Variants in EIF2D observed in about 807,000 individuals in gnomAD.
The protein encoded by EIF2D is eukaryotic translation initiation factor 2D.
A neutral mutation model predicts 77.4 loss-of-function variants in EIF2D; 56 were observed. The observed-to-expected ratio is 0.72, with a 90% CI of 0.58 to 0.90. The LOEUF is 0.90. EIF2D is among the 40% of genes least tolerant of loss of function. The pLI, the probability that EIF2D is intolerant of heterozygous loss-of-function variation, is 0.00. For synonymous variants in EIF2D, 230 were observed against 271.0 expected (o/e 0.85, Z 1.49); for missense variants, 574 against 706.5 (o/e 0.81, Z 2.13).
chr1:206,577,149 G>C (rs1572359318), intron 4 of EIF2D, among the ~76,000 whole-genome samples: 1 of 152,124 alleles, frequency 6.6e-6, no homozygotes, highest in Non-Finnish European at 1.5e-5. Context: ...CACTCATCCA[G>C]TAGCTGCTTT....
At chr1:206,603,588 C>T (rs1207790504) in intron 5 of EIF2D, 13 of 181,892 alleles carry the variant, frequency 7.1e-5, no homozygotes, top group Non-Finnish European at 1.4e-4. Context: ...ATTAAGATCG[C>T]GAATGCATCT....
At chr1:206,597,271 TCTCGTACGGC>T in intron 11 of EIF2D, 76 bp from the exon 12 acceptor site, 2 of 1,089,382 alleles carry the variant, frequency 1.8e-6, no homozygotes. Context: ...AGGATTCATC[TCTCGTACGGC>T]CTTTATAGAC....
Position 206,602,380 on chromosome 1 carries a change from A to G in EIF2D, c.858T>C (p.Pro286=). The change falls in exon 7 of 15, where the codon CCT becomes CCC. Residue 286 remains proline, a synonymous_variant. Transcript: ENST00000271764. ...LKCRVKKADL[P]LLTSTFLGSH... is the part of the protein sequence containing the mutation. ...TGCCAAGGAAAGTGCTGGTGAGTAA[A>G]GGGAGGTCAGCCTTTTTGACTCGGC... is the stretch of plus-strand genomic sequence containing the variant. 6.2e-7 allele frequency: 1 copy of G among 1,614,226 alleles called. No individual in the cohort carries two copies. The highest frequency in any genetic ancestry group is 8.5e-7 in the Non-Finnish European group (1 of 1,180,044).
At chr1:206,586,856 A>C (rs782097670), downstream of EIF2D, 2 of 1,614,078 alleles carry the variant, frequency 1.2e-6, no homozygotes, top group South Asian at 2.2e-5. Context: ...TGAACTTCAG[A>C]ACTTCCTAAC....
chr1:206,582,191 T>C (rs1236345207), intron 2 of EIF2D, among the ~76,000 whole-genome samples: 1 of 152,188 alleles, frequency 6.6e-6, no homozygotes, highest in African/African-American at 2.4e-5. Context: ...GAGAACTGAC[T>C]GAGGGACAGT....
At chr1:206,574,457 A>G (rs1160484887) in intron 4 of EIF2D, among the ~76,000 whole-genome samples, 2 of 152,150 alleles carry the variant, frequency 1.3e-5, no homozygotes, top group African/African-American at 4.8e-5. Context: ...GACATTGACC[A>G]TCTGCTCTAC....
chr1:206,612,059 C>T (rs986136996), intron 1 of EIF2D, among the ~76,000 whole-genome samples: 4 of 152,214 alleles, frequency 2.6e-5, no homozygotes, highest in Non-Finnish European at 4.4e-5. Flanking sequence ...TCTGACTTAA[C>T]TACGTTTTCT....
At chr1:206,606,376 C>T (rs910684461) in intron 4 of EIF2D, among the ~76,000 whole-genome samples, 16 of 152,278 alleles carry the variant, frequency 1.1e-4, no homozygotes, top group African/African-American at 3.9e-4. Flanking sequence ...TCATCTACCC[C>T]TGAAAGGTCA....
At chr1:206,585,452 G>T (rs1669076014) in intron 2 of EIF2D, 3 of 617,562 alleles carry the variant, frequency 4.9e-6, no homozygotes, top group Non-Finnish European at 8.8e-6. Context: ...TGGGCCTGGG[G>T]GTCAGTGTTT....
At chr1:206,606,672 T>A (rs561854967) in intron 4 of EIF2D, among the ~76,000 whole-genome samples, 1 of 152,214 alleles carries the variant, frequency 6.6e-6, no homozygotes, top group East Asian at 1.9e-4. Flanking sequence ...ATAATATGAG[T>A]AGCAAAAATA....
intron 13 of EIF2D, 129 bp downstream of exon 13, chr1:206,595,589 G>A (rs1388797799): frequency 1.5e-5 from 17 of 1,156,190 alleles, no homozygotes; most frequent in South Asian, 6.7e-5. Context: ...ACATAAACAC[G>A]GGTGTTTCAT....
intron 5 of EIF2D, among the ~76,000 whole-genome samples, chr1:206,604,326 C>A (rs1670075420): frequency 6.6e-6 from 1 of 152,064 alleles, no homozygotes; most frequent in Admixed American, 6.6e-5. Context: ...AGCCTGTAAT[C>A]CCAGCTACTC....
At chr1:206,591,366 G>A (rs938644247), downstream of EIF2D, among the ~76,000 whole-genome samples, 10 of 152,144 alleles carry the variant, frequency 6.6e-5, no homozygotes, top group Admixed American at 1.3e-4. Flanking sequence ...TGTTTTCTAC[G>A]TGACTAACCC....
Position 206,608,268 on chromosome 1 carries a change from G to A in EIF2D, c.390C>T (p.Gly130=), listed in dbSNP as rs112599459. The A allele has an allele frequency of 1.7e-5, 28 of 1,613,320 alleles. No homozygotes were observed. Among genetic ancestry groups the A allele is most frequent in the African/African-American group, 1.3e-4 (10 of 74,940 alleles). Residue 130 remains glycine, a synonymous_variant, in exon 4 of 15, where the codon GGC becomes GGT. Coordinates refer to ENST00000271764, the MANE Select transcript of EIF2D (RefSeq NM_006893.3). ...PPAGLPQVQK[G]DLCAISLVGN... ...CCACCAAAGAAATGGCACAGAGGTC[G>A]CCCTTCTGTACCTGAGGCAGACCAG...
At chr1:206,604,360 C>T (rs572628613) in intron 5 of EIF2D, among the ~76,000 whole-genome samples, 1 of 151,902 alleles carries the variant, frequency 6.6e-6, no homozygotes, top group East Asian at 1.9e-4. Context: ...AGGAGAATCA[C>T]TTGAACCGAG....
At chr1:206,597,311 T>A in intron 11 of EIF2D, 116 bp from the exon 12 acceptor site, 1 of 713,480 alleles carries the variant, frequency 1.4e-6, no homozygotes, top group Non-Finnish European at 2.4e-6. Context: ...ATGAATCAAT[T>A]ATGGGCCCAC....
At position 206,599,711 on chromosome 1, in the gene EIF2D, G is replaced by A. The variant is rs781852838; in HGVS notation, c.1052+22C>T. 6 of 1,614,010 alleles carry A rather than the reference G, an allele frequency of 3.7e-6. No homozygotes were observed. In the South Asian group the frequency reaches 6.6e-5, roughly 18 times the overall value. On this transcript the variant is annotated intron_variant, in intron 9 of 14. Coordinates refer to ENST00000271764, the MANE Select transcript of EIF2D (RefSeq NM_006893.3). This position sits in a 1 kb window ranked among gnomAD's most constrained non-coding sequence, Gnocchi z 4.1. ...GTGCCCTGGGGCCAGCTGGGCTACA[G>A]TGACAGGCCCCCTGCACTCACCTCG...
chr1:206,586,738 G>A (rs1409292695), downstream of EIF2D: 1 of 994,028 alleles, frequency 1.0e-6, no homozygotes, highest in African/African-American at 1.6e-5. Flanking sequence ...ACTGGGAAGG[G>A]GAAGGCAGCA....
chr1:206,602,741 G>A (rs377713806), intron 6 of EIF2D: 3 of 752,878 alleles, frequency 4.0e-6, no homozygotes, highest in African/African-American at 3.5e-5. Flanking sequence ...AAATGCCAGG[G>A]CAGATTAGCT....
Sources: allele counts gnomAD v4.1 joint callset (sites outside exome capture counted in the v4.1 genomes callset), GRCh38; gene constraint gnomAD v4.1.1; non-coding constraint Gnocchi (gnomAD v3.1); transcripts MANE v1.5; gene names NCBI Gene and HGNC (gene_info 2026-07-23, HGNC 2026-07-21).